RBFOX1: variants seen among roughly 807,000 people sequenced by gnomAD.
The protein encoded by RBFOX1 is RNA binding protein fox-1 homolog 1.
In RBFOX1, 8 loss-of-function variants were observed where a neutral mutation model predicts 57.7. The observed-to-expected ratio is 0.14, with a 90% CI of 0.08 to 0.25. The LOEUF (loss-of-function observed/expected upper bound fraction) is 0.25, where lower values mean the gene tolerates loss of function less well. RBFOX1 is among the 10% of genes least tolerant of loss of function. The pLI is 1.00. For synonymous variants in RBFOX1, 326 were observed against 222.4 expected (o/e 1.47, Z -4.15); for missense variants, 611 against 548.5 (o/e 1.11, Z -1.14).
At chr16:7,001,207 A>T (rs1404586550) in intron 3 of RBFOX1, among the ~76,000 whole-genome samples, 2 of 152,090 alleles carry the variant, frequency 1.3e-5, no homozygotes, top group Non-Finnish European at 2.9e-5. Context: ...CTAAATGTCC[A>T]TTCTGAAGCT....
At chr16:5,917,691 C>T (rs539323133) in intron 4 of RBFOX1, among the ~76,000 whole-genome samples, 8 of 152,292 alleles carry the variant, frequency 5.3e-5, no homozygotes, top group African/African-American at 1.4e-4. Context: ...CGCCATCCAC[C>T]GTTTCTTCCC....
At chr16:6,369,439 C>G (rs368573883) in intron 2 of RBFOX1, among the ~76,000 whole-genome samples, 2 of 152,342 alleles carry the variant, frequency 1.3e-5, no homozygotes, top group South Asian at 2.1e-4. Context: ...GACATAGCAT[C>G]TCTACCCAAC....
intron 14 of RBFOX1, among the ~76,000 whole-genome samples, chr16:7,686,082 G>A (rs2076000613): frequency 6.6e-6 from 1 of 151,818 alleles, no homozygotes; most frequent in East Asian, 1.9e-4. Context: ...ATCCATTGCT[G>A]TCATGAACAG....
At chr16:6,843,773 C>A (rs372421548) in intron 3 of RBFOX1, among the ~76,000 whole-genome samples, 1 of 152,174 alleles carries the variant, frequency 6.6e-6, no homozygotes, top group Non-Finnish European at 1.5e-5. Context: ...AGGAACGTAT[C>A]CTTCACTATT....
chr16:5,804,647 T>C (rs2055169572), intron 3 of RBFOX1, among the ~76,000 whole-genome samples: 1 of 152,100 alleles, frequency 6.6e-6, no homozygotes, highest in Non-Finnish European at 1.5e-5. Flanking sequence ...CATCCTCCCT[T>C]CCCCTCTTCT....
chr16:7,284,055 G>C (rs534466903), intron 4 of RBFOX1, among the ~76,000 whole-genome samples: 1 of 152,322 alleles, frequency 6.6e-6, no homozygotes, highest in African/African-American at 2.4e-5. Flanking sequence ...CTTTAGGCCT[G>C]ACTATCTCTG....
intron 4 of RBFOX1, among the ~76,000 whole-genome samples, chr16:7,160,897 A>C (rs1369179240): frequency 4.0e-5 from 6 of 150,540 alleles, no homozygotes; most frequent in African/African-American, 1.5e-4. Context: ...TTCCAATTCA[A>C]CTCTAACTTC....
intron 4 of RBFOX1, among the ~76,000 whole-genome samples, chr16:7,284,775 A>T (rs1162308642): frequency 6.6e-6 from 1 of 152,206 alleles, no homozygotes; most frequent in Non-Finnish European, 1.5e-5. Flanking sequence ...ATTAATGGCA[A>T]AATAATAACT....
At chr16:6,690,330 C>T (rs1317084222) in intron 3 of RBFOX1, among the ~76,000 whole-genome samples, 4 of 152,162 alleles carry the variant, frequency 2.6e-5, no homozygotes, top group East Asian at 3.9e-4. Context: ...GTGATAACAT[C>T]ACCTATGCAA....
intron 3 of RBFOX1, among the ~76,000 whole-genome samples, chr16:6,941,342 C>T (rs1387863161): frequency 7.0e-6 from 1 of 142,124 alleles, no homozygotes; most frequent in African/African-American, 2.6e-5. Context: ...TTCCTTCCTT[C>T]CTTCCTTCCT....
At chr16:6,842,836 G>A (rs1044931696) in intron 3 of RBFOX1, among the ~76,000 whole-genome samples, 1 of 151,774 alleles carries the variant, frequency 6.6e-6, no homozygotes, top group Non-Finnish European at 1.5e-5. Context: ...CCAACCCCCT[G>A]ACAGGCCCCG....
intron 2 of RBFOX1, among the ~76,000 whole-genome samples, chr16:5,588,820 A>G (rs1175475244): frequency 6.6e-6 from 1 of 152,234 alleles, no homozygotes; most frequent in Non-Finnish European, 1.5e-5. Flanking sequence ...GAGTTCAGGC[A>G]TTAGCATTAC....
intron 3 of RBFOX1, among the ~76,000 whole-genome samples, chr16:5,638,522 G>T (rs2048759628): frequency 6.6e-6 from 1 of 152,120 alleles, no homozygotes; most frequent in South Asian, 2.1e-4. Flanking sequence ...GCCACCCCCA[G>T]TCCCCAACAA....
chr16:5,280,732 A>T (rs1346359198), intron 1 of RBFOX1, among the ~76,000 whole-genome samples: 1 of 151,978 alleles, frequency 6.6e-6, no homozygotes, highest in Non-Finnish European at 1.5e-5. Flanking sequence ...GGTTGTTCAT[A>T]ATAGCCTCTA....
chr16:5,609,283 G>C (rs372393497), intron 3 of RBFOX1, among the ~76,000 whole-genome samples: 3 of 152,152 alleles, frequency 2.0e-5, no homozygotes, highest in African/African-American at 7.2e-5. Flanking sequence ...AGAAAGGAGA[G>C]CTGTATTTTA....
At chr16:5,409,732 T>C (rs993244106) in intron 1 of RBFOX1, among the ~76,000 whole-genome samples, 1 of 151,968 alleles carries the variant, frequency 6.6e-6, no homozygotes, top group African/African-American at 2.4e-5. Context: ...GTCTGTGCTC[T>C]AAGTATTCCA....
chr16:7,572,510 G>C (rs35256470), intron 5 of RBFOX1, among the ~76,000 whole-genome samples: 59,031 of 151,868 alleles, frequency 0.39, 11,878 homozygotes, highest in South Asian at 0.52. Context: ...TGATGCTGTT[G>C]AACATTCTGC....
intron 3 of RBFOX1, among the ~76,000 whole-genome samples, chr16:5,835,924 G>A (rs1029893776): frequency 1.3e-5 from 2 of 152,112 alleles, no homozygotes; most frequent in Admixed American, 1.3e-4. Flanking sequence ...TGCACCCGCC[G>A]CCCATGAGTC....
At chr16:6,942,134 G>A (rs765803876) in intron 3 of RBFOX1, among the ~76,000 whole-genome samples, 1 of 152,134 alleles carries the variant, frequency 6.6e-6, no homozygotes, top group African/African-American at 2.4e-5. Flanking sequence ...AGCTACTTGG[G>A]AGGCTGAGGC....
Sources: gnomAD v4.1 joint callset for allele counts (sites outside exome capture counted in the v4.1 genomes callset) on GRCh38, gnomAD v4.1.1 for gene constraint, MANE v1.5 for transcripts, NCBI Gene and HGNC (gene_info 2026-07-23, HGNC 2026-07-21) for gene names.